PPP4C: variants seen among roughly 807,000 people sequenced by gnomAD.
The protein encoded by PPP4C is protein phosphatase 4 catalytic subunit, also known as serine/threonine-protein phosphatase 4 catalytic subunit.
Under a neutral mutation model 40.5 loss-of-function variants are expected in PPP4C, and 10 were observed. The ratio of observed to expected loss-of-function variants is 0.25; its 90% CI spans 0.15 to 0.42. The LOEUF (loss-of-function observed/expected upper bound fraction) is 0.42, where lower values mean the gene tolerates loss of function less well. PPP4C is among the 10% of genes least tolerant of loss of function. The pLI is 1.00. For missense variants in PPP4C, 191 were observed against 416.4 expected, an observed-to-expected ratio of 0.46 and a Z score of 4.71; for synonymous variants, 187 against 163.6, an observed-to-expected ratio of 1.14 and a Z score of -1.09.
At position 30,085,242 on chromosome 16, in the gene PPP4C, C is replaced by CCTAG; in HGVS notation, c.*182_*183insAGCT. 1.8e-6 allele frequency: 1 copy of CCTAG among 555,300 alleles called. No homozygotes were observed. Among genetic ancestry groups the CCTAG allele is most frequent in the Non-Finnish European group, 3.1e-6 (1 of 326,918 alleles). The allele number at this position is 555,300 out of a possible 1,614,324, so 34.4% of individuals were successfully genotyped here. A position where few individuals can be genotyped will look rare whatever the true frequency, so the allele number is the denominator to read the frequency against. ...CCTGGAGACCTAGCTCCATGTTCCT[C>CCTAG]CTCCTCTCTCCCCACTTGAACCATG... is the stretch of plus-strand genomic sequence containing the variant. On this transcript the variant is annotated 3_prime_UTR_variant, in exon 9 of 9. Transcript: ENST00000279387.
rs932813920 is a variant in PPP4C, at chr16:30,076,020, C to T, written c.-138C>T. 1 of 377,336 alleles carries T rather than the reference C, an allele frequency of 2.7e-6. No individual in the cohort carries two copies. Among genetic ancestry groups the T allele is most frequent in the Non-Finnish European group, 4.8e-6 (1 of 207,304 alleles). The allele number at this position is 377,336 out of a possible 1,614,324, so 23.4% of individuals were successfully genotyped here. A position where few individuals can be genotyped will look rare whatever the true frequency, so the allele number is the denominator to read the frequency against. ...CCGGAAGTAGGAGCGGCGGCGGCGG[C>T]GGCGGCGGCGGTCGAAAGCGGAGTG... On this transcript the variant is annotated 5_prime_UTR_variant, in exon 1 of 9. Transcript: ENST00000279387.
chr16:30,077,569 C>T (rs778821451), intron 2 of PPP4C, among the ~76,000 whole-genome samples: 4 of 152,156 alleles, frequency 2.6e-5, no homozygotes, highest in South Asian at 2.1e-4. Context: ...AATTACCTGC[C>T]TCCTCTGGGG....
rs200680422 is a variant in PPP4C, at chr16:30,084,871, C to G, written c.794+16C>G. On this transcript the variant is annotated intron_variant, in intron 8 of 8. Transcript: ENST00000279387. ...ACTGCTACCGGTGAGCCGGCTGGGC[C>G]GGGCTGGGATGGGCGGGCATCTGAG... 6 of 1,613,878 alleles carry G rather than the reference C, an allele frequency of 3.7e-6. No homozygotes were observed. In the East Asian group the frequency reaches 6.7e-5, roughly 18 times the overall value.
chr16:30,082,951 A>G, intron 5 of PPP4C, 104 bp downstream of exon 5: 2 of 1,011,456 alleles, frequency 2.0e-6, no homozygotes, highest in Non-Finnish European at 1.5e-6. Flanking sequence ...CCCACCTTGG[A>G]GCTGTGTCAC....
chr16:30,079,600 G>C, intron 2 of PPP4C, among the ~76,000 whole-genome samples: 1 of 152,292 alleles, frequency 6.6e-6, no homozygotes, highest in Middle Eastern at 3.4e-3. Context: ...AAGCAGTGCA[G>C]GTGGGAGAGT....
At chr16:30,081,394 C>A in intron 3 of PPP4C, 84 bp downstream of exon 3, 3 of 1,146,764 alleles carry the variant, frequency 2.6e-6, no homozygotes, top group Non-Finnish European at 3.9e-6. Flanking sequence ...CTCTATAAGC[C>A]CAACCCTAAG....
At chr16:30,078,289 CT>C (rs1399636162) in intron 2 of PPP4C, among the ~76,000 whole-genome samples, 1 of 152,160 alleles carries the variant, frequency 6.6e-6, no homozygotes, top group Non-Finnish European at 1.5e-5. Flanking sequence ...GAAACTGAGC[CT>C]TTGAGTAGAT....
At chr16:30,082,083 A>G (rs201246628) in intron 3 of PPP4C, among the ~76,000 whole-genome samples, 1,556 of 150,922 alleles carry the variant, frequency 0.01, 18 homozygotes, top group African/African-American at 0.035. Context: ...GAAAGAAAAG[A>G]AAGGGGTTAT....
At position 30,083,919 on chromosome 16, in the gene PPP4C, C is replaced by A; in HGVS notation, c.604+138C>A. On this transcript the variant is annotated intron_variant, in intron 7 of 8. Transcript: ENST00000279387. The surrounding 1 kb of genome is among the most constrained non-coding windows in gnomAD (Gnocchi z 6.3). Reference sequence around the variant, plus strand: ...CCTGGAGGAGGAGCAGGGAGGCCTGCATGGCAGGTGCTTTGAGCACACAGT... The same window carrying A: ...CCTGGAGGAGGAGCAGGGAGGCCTGAATGGCAGGTGCTTTGAGCACACAGT... 7.7e-7 allele frequency: 1 copy of A among 1,302,212 alleles called. No individual in the cohort carries two copies. Among genetic ancestry groups the A allele is most frequent in the Non-Finnish European group, 1.1e-6 (1 of 946,562 alleles). 80.7% of individuals were successfully genotyped at this position (1,302,212 alleles called of 1,614,324 possible). A position where few individuals can be genotyped will look rare whatever the true frequency, so the allele number is the denominator to read the frequency against.
At chr16:30,078,991 G>A (rs1022914900) in intron 2 of PPP4C, among the ~76,000 whole-genome samples, 1 of 152,116 alleles carries the variant, frequency 6.6e-6, no homozygotes. Flanking sequence ...CACTGGGGTT[G>A]CGCTGGCACT....
In PPP4C at chr16:30,083,001, C is replaced by A; in HGVS notation, c.303+154C>A. ...TTCTGCTTTTGGGGGTGGTCAGAGA[C>A]TTGATGGGGGTTGAGGCCAGCGGGG... On this transcript the variant is annotated intron_variant, in intron 5 of 8. Coordinates refer to ENST00000279387, the MANE Select transcript of PPP4C (RefSeq NM_002720.3). The surrounding 1 kb of genome is among the most constrained non-coding windows in gnomAD (Gnocchi z 6.3). The A allele has an allele frequency of 2.9e-6, 2 of 680,520 alleles. No homozygotes were observed. Among genetic ancestry groups the A allele is most frequent in the Non-Finnish European group, 4.9e-6 (2 of 405,952 alleles). The allele number at this position is 680,520 out of a possible 1,614,324, so 42.2% of individuals were successfully genotyped here.
chr16:30,076,290 G>T, intron 1 of PPP4C, 25 bp from the exon 2 acceptor site: 3 of 1,352,010 alleles, frequency 2.2e-6, no homozygotes, highest in Non-Finnish European at 3.1e-6. Flanking sequence ...ACACTGATCC[G>T]CGGGCTCGTC....
At position 30,083,556 on chromosome 16, in the gene PPP4C, A is replaced by G. The variant is rs1567336487; in HGVS notation, c.466A>G (p.Ile156Val). Reference sequence around the variant, plus strand: ...TGACTACCTCAGCCTGTCAGCCATCATCGATGGCAAGGTAAGCCAGCCCAG... The same window carrying G: ...TGACTACCTCAGCCTGTCAGCCATCGTCGATGGCAAGGTAAGCCAGCCCAG... ...IFDYLSLSAI[I>V]DGKIFCVHGG... is the part of the protein sequence containing the mutation. Residue 156 changes from isoleucine to valine, a missense_variant, in exon 6 of 9, where the codon ATC becomes GTC. Physicochemically the swap from Ile to Val is conservative, Grantham distance 29. Coordinates refer to ENST00000279387, the MANE Select transcript of PPP4C (RefSeq NM_002720.3). This position sits in a 1 kb window ranked among gnomAD's most constrained non-coding sequence, Gnocchi z 6.3. 2.5e-6 allele frequency: 4 copies of G among 1,614,078 alleles called. No individual in the cohort carries two copies. Among genetic ancestry groups the G allele is most frequent in the Non-Finnish European group, 3.4e-6 (4 of 1,179,980 alleles).
chr16:30,082,600 G>A, intron 4 of PPP4C, 66 bp downstream of exon 4: 2 of 1,578,336 alleles, frequency 1.3e-6, no homozygotes, highest in Non-Finnish European at 1.7e-6. Flanking sequence ...GTAATTGAGG[G>A]TGGGAGCCTT....
At position 30,082,697 on chromosome 16, in the gene PPP4C, G is replaced by C. The variant is rs192142202; in HGVS notation, c.202-49G>C. ...GCCTCCGCTGGACAGAAACAGGTAG[G>C]GGGTAGGGGACTGTTTACGACAGGG... On this transcript the variant is annotated intron_variant, in intron 4 of 8. Transcript: ENST00000279387. 237 of 1,564,842 alleles carry C rather than the reference G, an allele frequency of 1.5e-4. 1 individual carries two copies. Among genetic ancestry groups the C allele is most frequent in the South Asian group, 2.7e-4 (24 of 88,724 alleles).
intron 7 of PPP4C, among the ~76,000 whole-genome samples, chr16:30,084,280 C>G (rs148357430): frequency 8.9e-4 from 136 of 152,318 alleles, no homozygotes; most frequent in African/African-American, 2.9e-3. Flanking sequence ...CACAGCCACA[C>G]ACATACAGAC....
intron 4 of PPP4C, 26 bp from the exon 5 acceptor site, chr16:30,082,720 G>A (rs898458100): frequency 4.4e-6 from 7 of 1,603,884 alleles, no homozygotes; most frequent in Non-Finnish European, 6.0e-6. Context: ...GTTTACGACA[G>A]GGCAAAACTT....
At chr16:30,076,583 C>T in intron 2 of PPP4C, 108 bp downstream of exon 2, 1 of 1,154,510 alleles carries the variant, frequency 8.7e-7, no homozygotes, top group East Asian at 2.6e-5. Flanking sequence ...GGAAGCTTTC[C>T]CAGAGAGGAG....
intron 2 of PPP4C, among the ~76,000 whole-genome samples, chr16:30,079,687 G>T (rs1596831249): frequency 6.6e-6 from 1 of 152,150 alleles, no homozygotes; most frequent in Non-Finnish European, 1.5e-5. Context: ...GACCTCCTTC[G>T]TGCTGCCTCT....
Sources: gnomAD v4.1 joint callset for allele counts (sites outside exome capture counted in the v4.1 genomes callset) on GRCh38, gnomAD v4.1.1 for gene constraint, Gnocchi (gnomAD v3.1) non-coding constraint, MANE v1.5 for transcripts, NCBI Gene and HGNC (gene_info 2026-07-23, HGNC 2026-07-21) for gene names.